The following IFTAP variants were observed in gnomAD, a reference collection of about 807,000 sequenced individuals.
IFTAP encodes the protein intraflagellar transport-associated protein.
A neutral mutation model predicts 19.4 loss-of-function variants in IFTAP; 19 were observed. The observed-to-expected ratio is 0.98, with a 90% confidence interval of 0.68 to 1.44. The LOEUF (loss-of-function observed/expected upper bound fraction) is 1.44. IFTAP is among the 40% of genes most tolerant of loss of function. The pLI is 0.00. For synonymous variants in IFTAP, 85 were observed against 83.5 expected (o/e 1.02, Z -0.10); for missense variants, 240 against 253.6 (o/e 0.95, Z 0.36).
At chr11:36,650,247 G>A (rs113117878) in intron 5 of IFTAP, among the ~76,000 whole-genome samples, 55 of 152,154 alleles carry the variant, frequency 3.6e-4, no homozygotes, top group African/African-American at 1.2e-3. Flanking sequence ...TTCTTTCTGT[G>A]ATTTCAATCT....
At chr11:36,613,890 C>T (rs190959468) in intron 2 of IFTAP, among the ~76,000 whole-genome samples, 307 of 144,548 alleles carry the variant, frequency 2.1e-3, no homozygotes, top group African/African-American at 7.4e-3. Context: ...TTTAGAGTTA[C>T]TTCTTTTTTT....
chr11:36,612,622 GA>G, intron 2 of IFTAP, among the ~76,000 whole-genome samples: 1 of 152,172 alleles, frequency 6.6e-6, no homozygotes, highest in African/African-American at 2.4e-5. Flanking sequence ...GATACACACT[GA>G]GCCTTTTCTC....
intron 5 of IFTAP, among the ~76,000 whole-genome samples, chr11:36,651,628 A>G (rs974516946): frequency 1.3e-5 from 2 of 152,302 alleles, no homozygotes; most frequent in African/African-American, 4.8e-5. Flanking sequence ...GTCCTTGCCC[A>G]TGCCTATGTC....
intron 2 of IFTAP, among the ~76,000 whole-genome samples, chr11:36,616,673 G>A (rs1489046114): frequency 1.3e-5 from 2 of 151,754 alleles, no homozygotes; most frequent in Non-Finnish European, 2.9e-5. Flanking sequence ...GTTATTTAAG[G>A]AGCGATGCCA....
chr11:36,610,677 G>C (rs1381772557), intron 2 of IFTAP, among the ~76,000 whole-genome samples: 1 of 152,134 alleles, frequency 6.6e-6, no homozygotes, highest in African/African-American at 2.4e-5. Flanking sequence ...GGTAGTTTTT[G>C]AGTAAAAGAG....
At chr11:36,655,649 G>T (rs1236902541) in intron 5 of IFTAP, among the ~76,000 whole-genome samples, 1 of 152,144 alleles carries the variant, frequency 6.6e-6, no homozygotes, top group African/African-American at 2.4e-5. Flanking sequence ...AAATGGTTTA[G>T]AGTGTCCTGA....
Position 36,610,090 on chromosome 11 carries a change from C to T in IFTAP, c.-14C>T. On this transcript the variant is annotated 5_prime_UTR_variant, in exon 2 of 6. Coordinates refer to ENST00000334307, the MANE Select transcript of IFTAP (RefSeq NM_138787.4). The stretch of plus-strand genomic sequence containing the variant: ...TTTTTCTGTCTTGCAGATACTGTGG[C>T]CTCATGAATAGGAATGTCTGCCCAT... 3 of 1,611,874 alleles carry T rather than the reference C, an allele frequency of 1.9e-6. No homozygotes were observed. The highest frequency in any genetic ancestry group is 1.7e-6 in the Non-Finnish European group (2 of 1,178,578).
intron 4 of IFTAP, among the ~76,000 whole-genome samples, chr11:36,646,796 G>A (rs1304727525): frequency 6.6e-6 from 1 of 152,094 alleles, no homozygotes; most frequent in Non-Finnish European, 1.5e-5. Flanking sequence ...AGTATTAGCT[G>A]AGCTAAAGCA....
At chr11:36,638,627 G>T (rs930424805) in intron 4 of IFTAP, among the ~76,000 whole-genome samples, 5 of 152,226 alleles carry the variant, frequency 3.3e-5, no homozygotes, top group African/African-American at 1.2e-4. Context: ...CTTCAGGAAT[G>T]TGAGCAGAAG....
intron 2 of IFTAP, among the ~76,000 whole-genome samples, chr11:36,620,547 G>A (rs900908647): frequency 7.9e-5 from 12 of 151,888 alleles, no homozygotes; most frequent in African/African-American, 2.9e-4. Flanking sequence ...AGATATATTA[G>A]CATAAACCTT....
At chr11:36,611,796 A>G (rs1265718067) in intron 2 of IFTAP, among the ~76,000 whole-genome samples, 3 of 152,198 alleles carry the variant, frequency 2.0e-5, no homozygotes, top group African/African-American at 7.2e-5. Context: ...TGTAGATCAA[A>G]TTAATCTTGA....
At chr11:36,657,932 A>C (rs371308313) in intron 5 of IFTAP, among the ~76,000 whole-genome samples, 1 of 152,228 alleles carries the variant, frequency 6.6e-6, no homozygotes, top group Admixed American at 6.5e-5. Flanking sequence ...ACAAAAGATG[A>C]TAAATGGCTG....
chr11:36,648,690 T>C (rs2133518151), intron 5 of IFTAP, among the ~76,000 whole-genome samples: 1 of 152,230 alleles, frequency 6.6e-6, no homozygotes, highest in Middle Eastern at 3.4e-3. Flanking sequence ...TCCATTATAT[T>C]TTAGGACATT....
At chr11:36,623,841 T>C (rs1162867921) in intron 2 of IFTAP, among the ~76,000 whole-genome samples, 4 of 149,508 alleles carry the variant, frequency 2.7e-5, no homozygotes, top group Non-Finnish European at 5.9e-5. Context: ...CGAAGGTACT[T>C]GGTAGTTTTA....
intron 1 of IFTAP, among the ~76,000 whole-genome samples, chr11:36,600,944 A>C (rs925627307): frequency 1.3e-5 from 2 of 152,222 alleles, no homozygotes; most frequent in African/African-American, 2.4e-5. Context: ...GGATCAGAAA[A>C]GTTTACATAA....
At chr11:36,651,434 T>C (rs560407569) in intron 5 of IFTAP, among the ~76,000 whole-genome samples, 2 of 152,364 alleles carry the variant, frequency 1.3e-5, no homozygotes, top group East Asian at 3.9e-4. Context: ...TTAAGTTCTT[T>C]GCAGATTCTA....
At position 36,648,122 on chromosome 11, in the gene IFTAP, C is replaced by T. The variant is rs1213026915; in HGVS notation, c.465C>T (p.Pro155=). Residue 155 remains proline (P), a synonymous_variant, in exon 5 of 6, where the codon CCC becomes CCT. Coordinates refer to ENST00000334307, the MANE Select transcript of IFTAP (RefSeq NM_138787.4). Reference sequence around the variant, plus strand: ...CTACCTGTGAAGTGAAGCCAAAGCCCAGTGTTAAAAGAATGGACAAACAGA... The same window carrying T: ...CTACCTGTGAAGTGAAGCCAAAGCCTAGTGTTAAAAGAATGGACAAACAGA... ...QPPTCEVKPK[P]SVKRMDKQTE... is the part of the protein sequence containing the mutation. 2.5e-6 allele frequency: 4 copies of T among 1,613,292 alleles called. No homozygotes were observed. The highest frequency in any genetic ancestry group is 3.4e-6 in the Non-Finnish European group (4 of 1,179,546).
At chr11:36,641,359 G>T (rs535619706) in intron 4 of IFTAP, among the ~76,000 whole-genome samples, 2 of 152,036 alleles carry the variant, frequency 1.3e-5, no homozygotes, top group African/African-American at 4.8e-5. Flanking sequence ...TTCCTGATAT[G>T]GTGAGTGTTG....
chr11:36,628,149 T>C (rs1487881928), intron 2 of IFTAP, among the ~76,000 whole-genome samples: 1 of 151,074 alleles, frequency 6.6e-6, no homozygotes, highest in Non-Finnish European at 1.5e-5. Context: ...TTTGTCTTCT[T>C]AGAGCACAGC....
Sources: allele counts gnomAD v4.1 joint callset (sites outside exome capture counted in the v4.1 genomes callset), GRCh38; gene constraint gnomAD v4.1.1; transcripts MANE v1.5; gene names NCBI Gene and HGNC (gene_info 2026-07-23, HGNC 2026-07-21).